The following ZDHHC15 variants were observed in gnomAD, a reference collection of about 807,000 sequenced individuals.
The protein encoded by ZDHHC15 is zDHHC palmitoyltransferase 15, also known as palmitoyltransferase ZDHHC15.
A neutral mutation model predicts 31.7 loss-of-function variants in ZDHHC15; 19 were observed. The observed-to-expected ratio is 0.60, with a 90% CI of 0.42 to 0.88. ZDHHC15 has a LOEUF of 0.88. Ranked by LOEUF, ZDHHC15 falls within the 40% of genes least tolerant of loss-of-function variation. ZDHHC15 has a pLI of 0.00. For missense variants in ZDHHC15, 209 were observed against 251.2 expected (o/e 0.83, Z 1.14); for synonymous variants, 103 against 90.0 (o/e 1.14, Z -0.82).
intron 1 of ZDHHC15, among the ~76,000 whole-genome samples, chrX:75,508,645 T>A (rs992008137): frequency 9.0e-6 from 1 of 110,557 alleles, no homozygotes; most frequent in Non-Finnish European, 1.9e-5. Context: ...TGATTTATAA[T>A]CCTCTGGGTA....
intron 10 of ZDHHC15, among the ~76,000 whole-genome samples, chrX:75,384,095 C>T (rs1469976756): frequency 9.0e-6 from 1 of 111,182 alleles, no homozygotes; most frequent in Non-Finnish European, 1.9e-5. Flanking sequence ...TATACTTGGT[C>T]AACCAGACAG....
At chrX:75,465,328 A>T (rs2084385060) in intron 3 of ZDHHC15, among the ~76,000 whole-genome samples, 4 of 112,356 alleles carry the variant, frequency 3.6e-5, no homozygotes, top group Admixed American at 2.8e-4. Context: ...ATGTAAAAAC[A>T]TTCCATGCTC....
intron 2 of ZDHHC15, among the ~76,000 whole-genome samples, chrX:75,496,253 CAA>C (rs776090860): frequency 1.8e-4 from 20 of 111,155 alleles, no homozygotes; most frequent in Non-Finnish European, 3.4e-4. Context: ...TTAAAAAAGA[CAA>C]AGAGAGACAT....
rs189970773 is a variant in ZDHHC15 at position 75,441,998 on chromosome X, G to A, written c.379+8804C>T. Among the ~76,000 whole-genome samples, 326 of 111,503 alleles carry A rather than the reference G, an allele frequency of 2.9e-3. 1 individual carries two copies. The highest frequency in any genetic ancestry group is 0.01 in the African/African-American group (309 of 30,746). ...TTGCTTTGTCCATCCAAGTGGGAGC[G>A]GCAAGTTAGTCCTGCCTCCTATATG... is the stretch of plus-strand genomic sequence containing the variant. On this transcript the variant is annotated intron_variant, in intron 4 of 11. Transcript: ENST00000373367.
intron 1 of ZDHHC15, among the ~76,000 whole-genome samples, chrX:75,510,491 T>C (rs1200244025): frequency 2.9e-5 from 3 of 103,885 alleles, no homozygotes; most frequent in Middle Eastern, 5.0e-3. Context: ...TTTTTTTTTT[T>C]CTGTCTGATC....
intron 6 of ZDHHC15, among the ~76,000 whole-genome samples, chrX:75,429,415 C>T (rs906278727): frequency 3.6e-5 from 4 of 111,396 alleles, no homozygotes; most frequent in African/African-American, 1.3e-4. Flanking sequence ...CACAGAAACA[C>T]CTGGCCTGCC....
Position 75,490,681 on chromosome X carries a change from T to C in ZDHHC15, c.164-11696A>G, listed in dbSNP as rs137921503. On this transcript the variant is annotated intron_variant, in intron 2 of 11. Coordinates refer to ENST00000373367, the MANE Select transcript of ZDHHC15 (RefSeq NM_144969.3). ...TTTTATTTCATTGAGCAGTGGTTTG[T>C]AGTTCTCCTTGAAGAGGTCTTTCAC... Among the ~76,000 whole-genome samples, 287 of 111,464 alleles carry C rather than the reference T, an allele frequency of 2.6e-3. 1 individual carries two copies. The highest frequency in any genetic ancestry group is 0.01 in the East Asian group (36 of 3,544).
chrX:75,433,894 G>A (rs1296151984), intron 4 of ZDHHC15, among the ~76,000 whole-genome samples: 2 of 110,742 alleles, frequency 1.8e-5, no homozygotes, highest in Non-Finnish European at 3.8e-5. Context: ...ACAGATCTAC[G>A]TTAGTTCTTT....
At chrX:75,452,837 G>C (rs1452352485) in intron 3 of ZDHHC15, among the ~76,000 whole-genome samples, 1 of 111,776 alleles carries the variant, frequency 8.9e-6, no homozygotes, top group Non-Finnish European at 1.9e-5. Flanking sequence ...AAACCAATGA[G>C]AACAAAGACA....
chrX:75,458,515 A>T (rs1326465994), intron 3 of ZDHHC15, among the ~76,000 whole-genome samples: 1 of 112,086 alleles, frequency 8.9e-6, no homozygotes, highest in Non-Finnish European at 1.9e-5. Flanking sequence ...GAGATAATTT[A>T]AATATATCTA....
intron 1 of ZDHHC15, among the ~76,000 whole-genome samples, chrX:75,518,222 C>T (rs1338732804): frequency 9.0e-6 from 1 of 111,218 alleles, no homozygotes; most frequent in African/African-American, 3.3e-5. Context: ...AATAACGTAT[C>T]TGATAAAGAT....
At chrX:75,421,415 T>TA (rs2083633753) in intron 9 of ZDHHC15, among the ~76,000 whole-genome samples, 2 of 64,133 alleles carry the variant, frequency 3.1e-5, no homozygotes, top group African/African-American at 1.5e-4. Flanking sequence ...ATATATAATA[T>TA]ATATATAATA....
chrX:75,508,028 T>C (rs935957164), intron 1 of ZDHHC15, among the ~76,000 whole-genome samples: 2 of 111,425 alleles, frequency 1.8e-5, no homozygotes, highest in African/African-American at 6.5e-5. Flanking sequence ...ATAGATATAA[T>C]GTGAGCCAGG....
In ZDHHC15 at chrX:75,516,374, G is replaced by A. The variant is rs1431936566; in HGVS notation, c.136+6515C>T. Among the ~76,000 whole-genome samples the A allele has an allele frequency of 4.5e-5, 5 of 111,798 alleles. No individual in the cohort carries two copies. The Admixed American group carries it at 4.7e-4, about 11-fold the overall frequency. ...CAGTAACCAAAACAGTATAGTACTG[G>A]TACCAAAAAAGATATATAGACCAAT... On this transcript the variant is annotated intron_variant, in intron 1 of 11. Transcript: ENST00000373367.
At chrX:75,485,156 C>T (rs1262086723) in intron 2 of ZDHHC15, among the ~76,000 whole-genome samples, 1 of 111,230 alleles carries the variant, frequency 9.0e-6, no homozygotes, top group Non-Finnish European at 1.9e-5. Context: ...CTGTTTACTA[C>T]TGTCAAAACT....
chrX:75,385,781 A>G (rs2083172947), intron 10 of ZDHHC15, among the ~76,000 whole-genome samples: 1 of 111,558 alleles, frequency 9.0e-6, no homozygotes, highest in Non-Finnish European at 1.9e-5. Flanking sequence ...AATTCTACTT[A>G]TCTAAAGCCT....
At chrX:75,374,699 A>AT (rs2083040029) in intron 11 of ZDHHC15, among the ~76,000 whole-genome samples, 2 of 103,316 alleles carry the variant, frequency 1.9e-5, no homozygotes, top group African/African-American at 3.5e-5. Context: ...ATATATATAT[A>AT]ATATATGTAT....
At chrX:75,497,461 C>A (rs191439692) in intron 2 of ZDHHC15, among the ~76,000 whole-genome samples, 99 of 111,539 alleles carry the variant, frequency 8.9e-4, no homozygotes, top group African/African-American at 3.2e-3. Context: ...AAAGGGAATC[C>A]TCCCTAAATC....
chrX:75,391,593 T>C (rs1266219170), intron 10 of ZDHHC15, among the ~76,000 whole-genome samples: 1 of 112,238 alleles, frequency 8.9e-6, no homozygotes, highest in African/African-American at 3.2e-5. Flanking sequence ...AATCCCTTTT[T>C]ACCCTAGAAT....
Sources: allele counts gnomAD v4.1 joint callset (sites outside exome capture counted in the v4.1 genomes callset), GRCh38; gene constraint gnomAD v4.1.1; transcripts MANE v1.5; gene names NCBI Gene and HGNC (gene_info 2026-07-23, HGNC 2026-07-21).